CD247: variants seen among roughly 807,000 people sequenced by gnomAD.
CD247 encodes T-cell surface glycoprotein CD3 zeta chain.
In CD247, 13 loss-of-function variants were observed where a neutral mutation model predicts 30.0. That is an observed-to-expected ratio of 0.43 (90% CI 0.28 to 0.69). The LOEUF is 0.69. Ranked by LOEUF, CD247 falls within the 30% of genes least tolerant of loss-of-function variation. The pLI, the probability that CD247 is intolerant of heterozygous loss-of-function variation, is 0.16. For missense variants in CD247, 193 were observed against 212.6 expected, an observed-to-expected ratio of 0.91 and a Z score of 0.57; for synonymous variants, 72 against 80.0, an observed-to-expected ratio of 0.90 and a Z score of 0.53.
At chr1:167,470,698 T>A (rs1433565021) in intron 1 of CD247, among the ~76,000 whole-genome samples, 1 of 151,884 alleles carries the variant, frequency 6.6e-6, no homozygotes, top group African/African-American at 2.4e-5. Flanking sequence ...TTTGTTTGAT[T>A]TTTCTTAGTA....
At chr1:167,453,496 T>G (rs1268605359) in intron 1 of CD247, among the ~76,000 whole-genome samples, 1 of 152,184 alleles carries the variant, frequency 6.6e-6, no homozygotes, top group Non-Finnish European at 1.5e-5. Context: ...ATTTTGCCAT[T>G]TCTCTGAGAA....
rs1264453799 is a variant in CD247, at chr1:167,439,326, A to G, written c.219+18T>C. On this transcript the variant is annotated intron_variant, in intron 3 of 7. Coordinates refer to ENST00000362089, the MANE Select transcript of CD247 (RefSeq NM_198053.3). ...GCTGCCCTTCCTTTCCGGAGGGTCT[A>G]CGGCGAGGCTGACTTACGTTATAGA... is the stretch of plus-strand genomic sequence containing the variant. The G allele has an allele frequency of 7.4e-6, 12 of 1,612,578 alleles. No homozygotes were observed. Among genetic ancestry groups the G allele is most frequent in the Non-Finnish European group, 1.0e-5 (12 of 1,178,746 alleles).
At chr1:167,514,013 C>T (rs1313092938) in intron 1 of CD247, among the ~76,000 whole-genome samples, 1 of 152,132 alleles carries the variant, frequency 6.6e-6, no homozygotes, top group Non-Finnish European at 1.5e-5. Flanking sequence ...GAGGAAAGGT[C>T]CAAACAATGC....
chr1:167,434,260 C>G, intron 5 of CD247, 184 bp from the exon 6 acceptor site: 1 of 659,894 alleles, frequency 1.5e-6, no homozygotes, highest in Non-Finnish European at 2.7e-6. Context: ...TCCAGCCCAC[C>G]CCCCTCATCC....
chr1:167,465,113 C>A lies in CD247; in HGVS notation c.59-24346G>T, dbSNP rs557073979. Among the ~76,000 whole-genome samples, 5 of 152,154 alleles carry A rather than the reference C, an allele frequency of 3.3e-5. No homozygotes were observed. In the South Asian group the frequency reaches 1.0e-3, roughly 32 times the overall value. On this transcript the variant is annotated intron_variant, in intron 1 of 7. Transcript: ENST00000362089. Reference sequence around the variant, plus strand: ...ATATATTTATTTCTTTCCTTCCTTCCCCACCTCCTTTCTTCTCCTTCAGAG... The same window carrying A: ...ATATATTTATTTCTTTCCTTCCTTCACCACCTCCTTTCTTCTCCTTCAGAG...
chr1:167,486,130 C>T (rs778281305), intron 1 of CD247, among the ~76,000 whole-genome samples: 1 of 152,280 alleles, frequency 6.6e-6, no homozygotes, highest in East Asian at 1.9e-4. Flanking sequence ...CATTGTCAGG[C>T]CAAAGAAATT....
chr1:167,458,206 C>T (rs1652802460), intron 1 of CD247, among the ~76,000 whole-genome samples: 2 of 152,240 alleles, frequency 1.3e-5, no homozygotes, highest in Admixed American at 1.3e-4. Flanking sequence ...GAGAAAGCTA[C>T]TTATGATTTC....
intron 1 of CD247, chr1:167,457,276 G>C (rs916406116): frequency 6.6e-6 from 1 of 152,330 alleles, no homozygotes; most frequent in African/African-American, 2.4e-5. Context: ...GGAAGTGGGA[G>C]GTGGGGGACC....
At chr1:167,487,750 A>T (rs1411009899) in intron 1 of CD247, among the ~76,000 whole-genome samples, 1 of 152,142 alleles carries the variant, frequency 6.6e-6, no homozygotes, top group East Asian at 1.9e-4. Flanking sequence ...TTTTTTCGAG[A>T]CAGGGTCTCA....
At chr1:167,446,521 G>C (rs1038126549) in intron 1 of CD247, among the ~76,000 whole-genome samples, 1 of 152,210 alleles carries the variant, frequency 6.6e-6, no homozygotes, top group Non-Finnish European at 1.5e-5. Flanking sequence ...ATGAGGTAAA[G>C]TTTGTGGGGT....
intron 1 of CD247, among the ~76,000 whole-genome samples, chr1:167,453,611 TA>T (rs750252233): frequency 1.4e-4 from 22 of 152,024 alleles, no homozygotes; most frequent in South Asian, 4.2e-4. Context: ...ATATAACCGT[TA>T]AAAAAAACAC....
At chr1:167,468,826 G>A (rs998959344) in intron 1 of CD247, among the ~76,000 whole-genome samples, 2 of 152,008 alleles carry the variant, frequency 1.3e-5, no homozygotes, top group African/African-American at 4.8e-5. Context: ...TCATGCAGTC[G>A]CTCCTAGACT....
At chr1:167,448,418 G>C (rs888606819) in intron 1 of CD247, 2 of 985,368 alleles carry the variant, frequency 2.0e-6, no homozygotes, top group African/African-American at 1.7e-5. Context: ...TCCCAGGATC[G>C]AACCATTATA....
intron 1 of CD247, among the ~76,000 whole-genome samples, chr1:167,466,283 C>T (rs1653241322): frequency 6.6e-6 from 1 of 152,122 alleles, no homozygotes; most frequent in African/African-American, 2.4e-5. Context: ...CTCCCCCTTG[C>T]ACAGTTTTCT....
intron 1 of CD247, among the ~76,000 whole-genome samples, chr1:167,506,210 C>A (rs1655105620): frequency 1.3e-5 from 2 of 151,458 alleles, no homozygotes; most frequent in Non-Finnish European, 2.9e-5. Flanking sequence ...CAGAGAGACG[C>A]CATCTTTCTT....
chr1:167,431,181 C>A lies in CD247; in HGVS notation c.*500G>T. Reference sequence around the variant, plus strand: ...GGCTCCTTTCCATCTGCCCCTCTGCCCGGCCCTCTCACCAGGGAGGCACAA... The same window carrying A: ...GGCTCCTTTCCATCTGCCCCTCTGCACGGCCCTCTCACCAGGGAGGCACAA... On this transcript the variant is annotated 3_prime_UTR_variant, in exon 8 of 8. Transcript: ENST00000362089. 1 of 423,172 alleles carries A rather than the reference C, an allele frequency of 2.4e-6. No homozygotes were observed. 26.2% of individuals were successfully genotyped at this position (423,172 alleles called of 1,614,324 possible).
intron 1 of CD247, 83 bp downstream of exon 1, chr1:167,518,325 C>T: frequency 7.5e-7 from 1 of 1,326,268 alleles, no homozygotes; most frequent in Non-Finnish European, 1.1e-6. Flanking sequence ...AGCCCCTCAC[C>T]ACCCTCCACT....
At chr1:167,517,533 G>C (rs1002470498) in intron 1 of CD247, among the ~76,000 whole-genome samples, 12 of 152,348 alleles carry the variant, frequency 7.9e-5, no homozygotes, top group Admixed American at 5.2e-4. Flanking sequence ...GAAGCTAAAG[G>C]CTTGCAGCAA....
At chr1:167,488,271 G>T (rs1229501894) in intron 1 of CD247, among the ~76,000 whole-genome samples, 2 of 152,180 alleles carry the variant, frequency 1.3e-5, no homozygotes, top group South Asian at 2.1e-4. Context: ...ATGTGTTAAA[G>T]AAAAATAATT....
Sources: allele counts gnomAD v4.1 joint callset (sites outside exome capture counted in the v4.1 genomes callset), GRCh38; gene constraint gnomAD v4.1.1; transcripts MANE v1.5; gene names NCBI Gene and HGNC (gene_info 2026-07-23, HGNC 2026-07-21).